FER: variants seen among roughly 807,000 people sequenced by gnomAD.
FER encodes the protein FER tyrosine kinase.
A neutral mutation model predicts 111.0 loss-of-function variants in FER; 63 were observed. The observed-to-expected ratio is 0.57, with a 90% confidence interval of 0.46 to 0.70. The LOEUF (loss-of-function observed/expected upper bound fraction) is 0.70, where lower values mean the gene tolerates loss of function less well. FER is among the 30% of genes least tolerant of loss of function. The pLI is 0.00. For missense variants in FER, 914 were observed against 954.0 expected, an observed-to-expected ratio of 0.96 and a Z score of 0.55; for synonymous variants, 327 against 313.9, an observed-to-expected ratio of 1.04 and a Z score of -0.44.
At chr5:109,135,799 C>T (rs560298685) in intron 17 of FER, among the ~76,000 whole-genome samples, 200 of 151,776 alleles carry the variant, frequency 1.3e-3, no homozygotes, top group South Asian at 5.2e-3. Flanking sequence ...GCTGACACTT[C>T]TCTGTTTCTG....
intron 16 of FER, among the ~76,000 whole-genome samples, chr5:109,092,042 C>T (rs1350621175): frequency 3.9e-5 from 6 of 151,926 alleles, no homozygotes; most frequent in African/African-American, 9.7e-5. Flanking sequence ...CCAGAGGACA[C>T]GGCTTTCAAG....
chr5:108,811,993 A>T (rs774022463), intron 3 of FER, among the ~76,000 whole-genome samples: 2 of 152,202 alleles, frequency 1.3e-5, no homozygotes, highest in Non-Finnish European at 2.9e-5. Flanking sequence ...CCTCAAAGAC[A>T]CACAGAGATG....
At chr5:108,766,766 A>C (rs1752364258) in intron 1 of FER, among the ~76,000 whole-genome samples, 1 of 152,222 alleles carries the variant, frequency 6.6e-6, no homozygotes, top group Non-Finnish European at 1.5e-5. Flanking sequence ...GAGACAGAGT[A>C]GGCAAACAAA....
intron 17 of FER, among the ~76,000 whole-genome samples, chr5:109,108,970 C>T (rs965097187): frequency 6.6e-5 from 10 of 152,114 alleles, no homozygotes; most frequent in Admixed American, 4.6e-4. Flanking sequence ...AATACAAAAG[C>T]ACTACAAGAA....
chr5:108,874,245 C>T (rs2150254686), intron 8 of FER, among the ~76,000 whole-genome samples: 1 of 151,984 alleles, frequency 6.6e-6, no homozygotes, highest in South Asian at 2.1e-4. Context: ...GATTTTGTGA[C>T]CAAAGAAGAA....
chr5:108,915,137 A>C (rs914062079), intron 10 of FER, among the ~76,000 whole-genome samples: 2 of 152,274 alleles, frequency 1.3e-5, no homozygotes, highest in African/African-American at 4.8e-5. Flanking sequence ...CTTTTGAGAG[A>C]TTTGGTTAAC....
chr5:108,839,001 TTTC>T (rs1352320335), intron 5 of FER, among the ~76,000 whole-genome samples: 1 of 152,074 alleles, frequency 6.6e-6, no homozygotes, highest in East Asian at 1.9e-4. Context: ...CTTGGAGGTG[TTTC>T]TTTTTTTTTC....
At chr5:108,914,166 A>C (rs1474214125) in intron 10 of FER, among the ~76,000 whole-genome samples, 1 of 152,110 alleles carries the variant, frequency 6.6e-6, no homozygotes, top group Non-Finnish European at 1.5e-5. Flanking sequence ...TCAATGAAAA[A>C]ATTTAGAAAA....
intron 10 of FER, among the ~76,000 whole-genome samples, chr5:108,938,158 G>A (rs2149602557): frequency 6.6e-6 from 1 of 151,866 alleles, no homozygotes; most frequent in South Asian, 2.1e-4. Flanking sequence ...CTTGTAAGGT[G>A]TAAGGTTCTT....
chr5:108,995,094 C>A (rs1291470057), intron 13 of FER, among the ~76,000 whole-genome samples: 2 of 151,876 alleles, frequency 1.3e-5, no homozygotes, highest in African/African-American at 4.8e-5. Context: ...TATTTGTATA[C>A]CCTCTATTTC....
intron 18 of FER, among the ~76,000 whole-genome samples, chr5:109,185,398 T>A (rs992153281): frequency 6.6e-6 from 1 of 152,188 alleles, no homozygotes; most frequent in Non-Finnish European, 1.5e-5. Context: ...TGTAAGAACA[T>A]CTGTAAACAG....
intron 10 of FER, among the ~76,000 whole-genome samples, chr5:108,936,348 T>G (rs1755468720): frequency 4.0e-5 from 6 of 148,964 alleles, no homozygotes; most frequent in African/African-American, 1.5e-4. Flanking sequence ...CCATTCTTAA[T>G]TTTTAGATGA....
chr5:108,841,293 T>C (rs893152640), intron 5 of FER, among the ~76,000 whole-genome samples: 2 of 152,120 alleles, frequency 1.3e-5, no homozygotes, highest in African/African-American at 2.4e-5. Flanking sequence ...AAATGCAAAA[T>C]ACACAGATTT....
chr5:109,112,001 A>G (rs1240287279), intron 17 of FER, among the ~76,000 whole-genome samples: 1 of 152,174 alleles, frequency 6.6e-6, no homozygotes, highest in Non-Finnish European at 1.5e-5. Flanking sequence ...GAACAAAAAC[A>G]CCTGCTTATT....
intron 16 of FER, among the ~76,000 whole-genome samples, chr5:109,063,098 ATTAT>A (rs1160892244): frequency 2.0e-5 from 3 of 149,850 alleles, no homozygotes; most frequent in South Asian, 2.1e-4. Flanking sequence ...TCTAGACATG[ATTAT>A]TTATATTGTT....
Position 108,872,355 on chromosome 5 carries a change from G to T in FER, c.923+143G>T, listed in dbSNP as rs1029799058. 9 of 704,878 alleles carry T rather than the reference G, an allele frequency of 1.3e-5. No individual in the cohort carries two copies. In the African/African-American group the frequency reaches 1.7e-4, roughly 13 times the overall value. 43.7% of individuals were successfully genotyped at this position (704,878 alleles called of 1,614,324 possible). On this transcript the variant is annotated intron_variant, in intron 8 of 19. Coordinates refer to ENST00000281092, the MANE Select transcript of FER (RefSeq NM_005246.4). Reference sequence around the variant, plus strand: ...CAGAGTGACATGTTTTGAGAAATATGTTAATTTTACTCATTTTCGTCACTA... The same window carrying T: ...CAGAGTGACATGTTTTGAGAAATATTTTAATTTTACTCATTTTCGTCACTA...
chr5:109,096,190 T>C (rs1400100375), intron 16 of FER, among the ~76,000 whole-genome samples: 1 of 152,056 alleles, frequency 6.6e-6, no homozygotes, highest in East Asian at 1.9e-4. Flanking sequence ...AGCAGAAATC[T>C]TTGAGAAACA....
chr5:108,894,479 A>G (rs922011986), intron 9 of FER: 29 of 397,274 alleles, frequency 7.3e-5, no homozygotes, highest in African/African-American at 4.2e-5. Context: ...ACATGTGAGG[A>G]TATTTCTCAG....
chr5:108,887,505 T>A (rs534249079), intron 9 of FER, among the ~76,000 whole-genome samples: 2 of 151,774 alleles, frequency 1.3e-5, no homozygotes, highest in South Asian at 4.1e-4. Flanking sequence ...GAAATGTAGC[T>A]ATCGCAGAAT....
Sources: allele counts gnomAD v4.1 joint callset (sites outside exome capture counted in the v4.1 genomes callset), GRCh38; gene constraint gnomAD v4.1.1; transcripts MANE v1.5; gene names NCBI Gene and HGNC (gene_info 2026-07-23, HGNC 2026-07-21).